Variants in EXOC4 observed in about 807,000 individuals in gnomAD.
EXOC4 encodes SEC8-like 1.
A neutral mutation model predicts 107.2 loss-of-function variants in EXOC4; 71 were observed. The ratio of observed to expected loss-of-function variants is 0.66; its 90% CI spans 0.55 to 0.81. The LOEUF (loss-of-function observed/expected upper bound fraction) is 0.81. Among genes scored for constraint, EXOC4 ranks in the 30% least tolerant of loss-of-function variants. EXOC4 has a pLI of 0.00. For synonymous variants in EXOC4, 456 were observed against 441.2 expected (o/e 1.03, Z -0.42); for missense variants, 1,108 against 1,189.6 (o/e 0.93, Z 1.01).
At chr7:133,653,148 A>G (rs935634174) in intron 10 of EXOC4, among the ~76,000 whole-genome samples, 9 of 152,184 alleles carry the variant, frequency 5.9e-5, no homozygotes, top group Non-Finnish European at 1.2e-4. Flanking sequence ...ATGTTTTTCT[A>G]CATATTACAT....
chr7:133,715,872 A>G (rs968696081), intron 10 of EXOC4, among the ~76,000 whole-genome samples: 2 of 152,152 alleles, frequency 1.3e-5, no homozygotes, highest in Admixed American at 6.5e-5. Flanking sequence ...TTTACTTCCC[A>G]TGTTAACTCT....
chr7:133,391,255 G>A (rs1349684673), intron 7 of EXOC4, among the ~76,000 whole-genome samples: 5 of 152,268 alleles, frequency 3.3e-5, no homozygotes, highest in Non-Finnish European at 5.9e-5. Flanking sequence ...GGAAGATGAC[G>A]GCTGTCACCA....
At position 133,356,542 on chromosome 7, in the gene EXOC4, G is replaced by T. The variant is rs768384421; in HGVS notation, c.976G>T (p.Gly326Trp). Residue 326 changes from glycine (G) to tryptophan (W), a missense_variant, in exon 6 of 18, where the codon GGG becomes TGG. Physicochemically the swap from Gly to Trp is radical, Grantham distance 184. Transcript: ENST00000253861. ...TQVADSGYQR[G>W]ENVTVENQPR... ...GGTGGCAGACAGTGGCTATCAGCGG[G>T]GGGAGAACGTTACTGTGGAGAACCA... The T allele has an allele frequency of 1.5e-5, 24 of 1,613,924 alleles. No homozygotes were observed. The highest frequency in any genetic ancestry group is 7.6e-6 in the Non-Finnish European group (9 of 1,179,970).
chr7:133,415,191 G>A (rs1797447647), intron 7 of EXOC4, among the ~76,000 whole-genome samples: 1 of 141,784 alleles, frequency 7.1e-6, no homozygotes, highest in East Asian at 2.1e-4. Flanking sequence ...TTGAACATTT[G>A]GGTTGTTTTC....
intron 9 of EXOC4, among the ~76,000 whole-genome samples, chr7:133,589,308 G>T (rs903291827): frequency 4.6e-5 from 7 of 152,094 alleles, no homozygotes; most frequent in Non-Finnish European, 1.0e-4. Flanking sequence ...ATCGTTCTTT[G>T]GCCCTCTAGA....
intron 8 of EXOC4, among the ~76,000 whole-genome samples, chr7:133,478,401 T>C (rs1445588621): frequency 2.6e-5 from 4 of 152,144 alleles, no homozygotes; most frequent in Non-Finnish European, 5.9e-5. Context: ...ATGAAACTTA[T>C]CACAGACACA....
chr7:133,657,539 T>C (rs970167680), intron 10 of EXOC4, among the ~76,000 whole-genome samples: 2 of 152,200 alleles, frequency 1.3e-5, no homozygotes, highest in African/African-American at 2.4e-5. Flanking sequence ...TGCGTGCTTT[T>C]TGAGTTTCTT....
At chr7:133,754,029 G>A (rs888649478) in intron 10 of EXOC4, among the ~76,000 whole-genome samples, 4 of 152,138 alleles carry the variant, frequency 2.6e-5, no homozygotes, top group South Asian at 2.1e-4. Flanking sequence ...TGTCAGTCAC[G>A]TAGAGGATGT....
At chr7:133,876,221 GGT>G (rs10605200) in intron 11 of EXOC4, among the ~76,000 whole-genome samples, 65,521 of 146,738 alleles carry the variant, frequency 0.45, 14,304 homozygotes, top group South Asian at 0.56. Flanking sequence ...AGAATGAAGA[GGT>G]GTGTGTGTGT....
chr7:133,394,206 A>G (rs1796920678), intron 7 of EXOC4, among the ~76,000 whole-genome samples: 1 of 152,234 alleles, frequency 6.6e-6, no homozygotes. Flanking sequence ...TAGATTTGGA[A>G]GAATGGTGAA....
At chr7:133,762,250 T>C (rs1053060880) in intron 10 of EXOC4, among the ~76,000 whole-genome samples, 1 of 152,126 alleles carries the variant, frequency 6.6e-6, no homozygotes, top group African/African-American at 2.4e-5. Flanking sequence ...CAATATGAAA[T>C]TGCTGGTTTG....
chr7:133,254,314 C>G (rs891531806), intron 1 of EXOC4, among the ~76,000 whole-genome samples: 7 of 152,162 alleles, frequency 4.6e-5, no homozygotes, highest in Admixed American at 3.9e-4. Context: ...AGAAAAACAT[C>G]TCTGTGTGGA....
intron 14 of EXOC4, among the ~76,000 whole-genome samples, chr7:133,984,069 G>A (rs922858773): frequency 1.3e-5 from 2 of 152,178 alleles, no homozygotes; most frequent in African/African-American, 4.8e-5. Context: ...CAATCACAAG[G>A]TATAAAAAAC....
intron 15 of EXOC4, among the ~76,000 whole-genome samples, chr7:134,004,157 C>G (rs1469923527): frequency 6.6e-6 from 1 of 152,070 alleles, no homozygotes; most frequent in Non-Finnish European, 1.5e-5. Flanking sequence ...TACAAACTGT[C>G]TTATATTTCC....
At chr7:133,521,961 A>G (rs1379077486) in intron 9 of EXOC4, among the ~76,000 whole-genome samples, 1 of 151,782 alleles carries the variant, frequency 6.6e-6, no homozygotes, top group Admixed American at 6.6e-5. Flanking sequence ...AACTTTAACA[A>G]TATAATAATA....
chr7:133,543,849 A>G (rs1233288853), intron 9 of EXOC4, among the ~76,000 whole-genome samples: 2 of 152,182 alleles, frequency 1.3e-5, no homozygotes, highest in Admixed American at 6.5e-5. Flanking sequence ...AGTCATCTTG[A>G]CAGTGCTGTG....
chr7:133,856,610 A>G lies in EXOC4; in HGVS notation c.1735-38989A>G, dbSNP rs576812622. Among the ~76,000 whole-genome samples, 6 of 152,342 alleles carry G rather than the reference A, an allele frequency of 3.9e-5. No homozygotes were observed. The South Asian group carries it at 1.2e-3, about 32-fold the overall frequency. On this transcript the variant is annotated intron_variant, in intron 11 of 17. Transcript: ENST00000253861. ...ATTTTTATCATCTTCCATACATTTT[A>G]TACTATGGTACCTCTTAGATATCAT...
intron 9 of EXOC4, chr7:133,481,011 C>T (rs1799141908): frequency 6.7e-6 from 1 of 149,778 alleles, no homozygotes; most frequent in African/African-American, 2.5e-5. Context: ...GATCATGCCA[C>T]TGCACTTCAG....
chr7:133,681,468 C>T, intron 10 of EXOC4, among the ~76,000 whole-genome samples: 1 of 152,074 alleles, frequency 6.6e-6, no homozygotes, highest in Non-Finnish European at 1.5e-5. Context: ...TCTACTTATT[C>T]ACATAATAAT....
Sources: gnomAD v4.1 joint callset for allele counts (sites outside exome capture counted in the v4.1 genomes callset) on GRCh38, gnomAD v4.1.1 for gene constraint, MANE v1.5 for transcripts, NCBI Gene and HGNC (gene_info 2026-07-23, HGNC 2026-07-21) for gene names.